The following MOB1B variants were observed in gnomAD, a reference collection of about 807,000 sequenced individuals.
MOB1B encodes MOB kinase activator 1B.
MOB1B carries 19 observed loss-of-function variants against 24.4 expected under a neutral mutation model. The observed-to-expected ratio is 0.78, with a 90% CI of 0.54 to 1.14. The LOEUF is 1.14. Ranked by LOEUF, MOB1B falls within the 50% of genes most tolerant of loss-of-function variation. MOB1B has a pLI of 0.00. For missense variants in MOB1B, 243 were observed against 259.6 expected, an observed-to-expected ratio of 0.94 and a Z score of 0.44; for synonymous variants, 76 against 82.1, an observed-to-expected ratio of 0.93 and a Z score of 0.40.
intron 1 of MOB1B, among the ~76,000 whole-genome samples, chr4:70,923,521 A>T (rs1420526533): frequency 6.6e-6 from 1 of 152,016 alleles, no homozygotes. Context: ...TTTTATTGCT[A>T]CCCTTGTATC....
At chr4:70,912,021 C>T (rs1453197050) in intron 1 of MOB1B, among the ~76,000 whole-genome samples, 3 of 151,548 alleles carry the variant, frequency 2.0e-5, no homozygotes, top group Admixed American at 1.3e-4. Context: ...CTCAACCTCC[C>T]GAGTAGCTGG....
At chr4:70,916,788 C>T (rs1011277343) in intron 1 of MOB1B, among the ~76,000 whole-genome samples, 3 of 152,170 alleles carry the variant, frequency 2.0e-5, no homozygotes, top group Admixed American at 6.5e-5. Flanking sequence ...AGCCTCGTCT[C>T]GAACTCCTGA....
intron 1 of MOB1B, among the ~76,000 whole-genome samples, chr4:70,936,855 T>C (rs1278738599): frequency 7.9e-5 from 12 of 152,162 alleles, no homozygotes; most frequent in Admixed American, 7.2e-4. Context: ...CTACAGAATT[T>C]TGTTTTAATT....
intron 4 of MOB1B, 47 bp downstream of exon 4, chr4:70,975,333 T>C: frequency 6.3e-7 from 1 of 1,598,032 alleles, no homozygotes; most frequent in Non-Finnish European, 8.5e-7. Flanking sequence ...TTATCTTTTA[T>C]ATGTTTATAG....
chr4:70,919,697 C>G (rs537409796), intron 1 of MOB1B, among the ~76,000 whole-genome samples: 213 of 152,296 alleles, frequency 1.4e-3, no homozygotes, highest in Non-Finnish European at 2.4e-3. Context: ...CAGGGTTTCC[C>G]CATGTTGGCC....
intron 1 of MOB1B, among the ~76,000 whole-genome samples, chr4:70,928,371 C>T (rs972516316): frequency 6.7e-6 from 1 of 149,474 alleles, no homozygotes; most frequent in Non-Finnish European, 1.5e-5. Context: ...TCTCGGCCCA[C>T]TGCACCCTCT....
intron 1 of MOB1B, among the ~76,000 whole-genome samples, chr4:70,915,924 A>G (rs1467717723): frequency 6.6e-6 from 1 of 152,126 alleles, no homozygotes; most frequent in Non-Finnish European, 1.5e-5. Context: ...GATGGTCTCT[A>G]GGCGAGAGGA....
intron 1 of MOB1B, among the ~76,000 whole-genome samples, chr4:70,943,205 T>C (rs1407367293): frequency 1.3e-5 from 2 of 152,224 alleles, no homozygotes; most frequent in Non-Finnish European, 2.9e-5. Context: ...GCATACATTC[T>C]CATTTCACAT....
intron 2 of MOB1B, among the ~76,000 whole-genome samples, chr4:70,962,148 C>T (rs1738332114): frequency 6.6e-6 from 1 of 152,228 alleles, no homozygotes; most frequent in Middle Eastern, 3.4e-3. Flanking sequence ...GGCTCGAGCC[C>T]AGGAGTTCGA....
At chr4:70,953,057 C>G (rs1311724151) in intron 1 of MOB1B, among the ~76,000 whole-genome samples, 1 of 151,144 alleles carries the variant, frequency 6.6e-6, no homozygotes, top group Non-Finnish European at 1.5e-5. Flanking sequence ...ATTCTCCTGC[C>G]TCAGCCGAGT....
intron 1 of MOB1B, among the ~76,000 whole-genome samples, chr4:70,937,443 T>G (rs1758488578): frequency 1.3e-5 from 2 of 152,106 alleles, no homozygotes; most frequent in African/African-American, 4.8e-5. Flanking sequence ...CACTTTATCT[T>G]TCTGAATTTT....
chr4:70,908,250 A>G (rs1334183083), intron 1 of MOB1B, among the ~76,000 whole-genome samples: 1 of 148,766 alleles, frequency 6.7e-6, no homozygotes, highest in Non-Finnish European at 1.5e-5. Context: ...GGATGGTTTC[A>G]ATCTCCTGAC....
At chr4:70,932,798 T>C (rs1181525085) in intron 1 of MOB1B, among the ~76,000 whole-genome samples, 1 of 152,216 alleles carries the variant, frequency 6.6e-6, no homozygotes, top group Non-Finnish European at 1.5e-5. Context: ...CTAATGTGGA[T>C]GTTTTTGAAA....
At chr4:70,922,861 A>G (rs1736492435) in intron 1 of MOB1B, among the ~76,000 whole-genome samples, 1 of 152,186 alleles carries the variant, frequency 6.6e-6, no homozygotes, top group South Asian at 2.1e-4. Flanking sequence ...CTAGACATCT[A>G]TACACACACA....
intron 1 of MOB1B, among the ~76,000 whole-genome samples, chr4:70,932,782 G>A (rs998707286): frequency 6.6e-6 from 1 of 152,172 alleles, no homozygotes; most frequent in Non-Finnish European, 1.5e-5. Context: ...GAATGTAGCA[G>A]TGTTTCTAAT....
intron 1 of MOB1B, among the ~76,000 whole-genome samples, chr4:70,946,991 G>C (rs918342340): frequency 6.6e-6 from 1 of 152,064 alleles, no homozygotes; most frequent in African/African-American, 2.4e-5. Flanking sequence ...TCAAAACTAG[G>C]GTGCTTCAAA....
At chr4:70,961,089 A>AT (rs1738283597) in intron 2 of MOB1B, among the ~76,000 whole-genome samples, 2 of 152,198 alleles carry the variant, frequency 1.3e-5, no homozygotes, top group African/African-American at 4.8e-5. Flanking sequence ...TACCTATGAT[A>AT]AAGCTTAATT....
chr4:70,977,208 A>T (rs1739043004), intron 4 of MOB1B, among the ~76,000 whole-genome samples: 1 of 152,138 alleles, frequency 6.6e-6, no homozygotes, highest in African/African-American at 2.4e-5. Context: ...GAAATCTTTT[A>T]TATTTGTTTT....
chr4:70,925,308 A>AT (rs541421113), intron 1 of MOB1B, among the ~76,000 whole-genome samples: 1 of 152,172 alleles, frequency 6.6e-6, no homozygotes, highest in Non-Finnish European at 1.5e-5. Context: ...CAGTGCTGGG[A>AT]TTACGGGCAT....
Sources: allele counts gnomAD v4.1 joint callset (sites outside exome capture counted in the v4.1 genomes callset), GRCh38; gene constraint gnomAD v4.1.1; transcripts MANE v1.5; gene names NCBI Gene and HGNC (gene_info 2026-07-23, HGNC 2026-07-21).